Variants in ATG10 observed in about 807,000 individuals in gnomAD.
ATG10 encodes autophagy related 10.
ATG10 carries 30 observed loss-of-function variants against 32.1 expected under a neutral mutation model. That is an observed-to-expected ratio of 0.94 (90% confidence interval 0.70 to 1.27). The LOEUF (loss-of-function observed/expected upper bound fraction) is 1.27, where lower values mean the gene tolerates loss of function less well. Among genes scored for constraint, ATG10 ranks in the 50% most tolerant of loss-of-function variants. The pLI, the probability that ATG10 is intolerant of heterozygous loss-of-function variation, is 0.00. For missense variants in ATG10, 233 were observed against 262.3 expected (o/e 0.89, Z 0.77); for synonymous variants, 87 against 91.5 (o/e 0.95, Z 0.28).
chr5:82,215,935 C>CAAA (rs34517729), intron 5 of ATG10, among the ~76,000 whole-genome samples: 9 of 124,096 alleles, frequency 7.3e-5, no homozygotes, highest in African/African-American at 2.0e-4. Flanking sequence ...AACTCCATCT[C>CAAA]AAAAAAAAAA....
At chr5:82,183,735 T>G (rs1436555630) in intron 5 of ATG10, among the ~76,000 whole-genome samples, 1 of 152,164 alleles carries the variant, frequency 6.6e-6, no homozygotes, top group Admixed American at 6.5e-5. Context: ...GAGGTATGCT[T>G]TGATTAGGAA....
At chr5:82,113,969 T>G (rs1007587717) in intron 3 of ATG10, among the ~76,000 whole-genome samples, 1 of 152,020 alleles carries the variant, frequency 6.6e-6, no homozygotes, top group Admixed American at 6.6e-5. Flanking sequence ...TTGGCATACA[T>G]AATTTAAAAA....
chr5:82,124,385 G>A (rs1024718904), intron 3 of ATG10, among the ~76,000 whole-genome samples: 2 of 151,328 alleles, frequency 1.3e-5, no homozygotes, highest in East Asian at 3.9e-4. Context: ...GTGCCATGGT[G>A]GTTTGCTCCA....
At chr5:82,210,661 A>G (rs1745458889) in intron 5 of ATG10, among the ~76,000 whole-genome samples, 1 of 152,070 alleles carries the variant, frequency 6.6e-6, no homozygotes, top group African/African-American at 2.4e-5. Context: ...AGTGGGAACC[A>G]TGTTGGACAT....
At chr5:82,193,402 T>A (rs1446556006) in intron 5 of ATG10, among the ~76,000 whole-genome samples, 3 of 152,216 alleles carry the variant, frequency 2.0e-5, no homozygotes, top group Non-Finnish European at 4.4e-5. Flanking sequence ...ATTCAAATCA[T>A]CTTTAATAAC....
intron 3 of ATG10, among the ~76,000 whole-genome samples, chr5:82,099,324 T>C (rs1021779119): frequency 7.9e-5 from 12 of 152,150 alleles, no homozygotes; most frequent in African/African-American, 1.9e-4. Flanking sequence ...AATTTAATTA[T>C]TGAATAATTT....
intron 2 of ATG10, among the ~76,000 whole-genome samples, chr5:82,037,560 A>G (rs900539086): frequency 1.3e-5 from 2 of 152,070 alleles, no homozygotes; most frequent in Non-Finnish European, 2.9e-5. Context: ...TTTACTTTTT[A>G]TGTCTAATGT....
intron 4 of ATG10, among the ~76,000 whole-genome samples, chr5:82,176,363 T>C (rs888316088): frequency 1.3e-5 from 2 of 152,184 alleles, no homozygotes; most frequent in Admixed American, 1.3e-4. Context: ...CAGATACATA[T>C]TTCGTAAGAC....
chr5:81,980,729 C>CG (rs964832799), intron 1 of ATG10, among the ~76,000 whole-genome samples: 27 of 151,852 alleles, frequency 1.8e-4, no homozygotes, highest in African/African-American at 6.3e-4. Flanking sequence ...AGCTACCTGT[C>CG]GCTCGCTGCA....
chr5:82,185,802 C>T (rs1581781573), intron 5 of ATG10, among the ~76,000 whole-genome samples: 1 of 152,118 alleles, frequency 6.6e-6, no homozygotes, highest in African/African-American at 2.4e-5. Context: ...ATTGTGCTTC[C>T]TCTAGTAATA....
rs138448388 is a variant in ATG10, at chr5:82,158,399, C to G, written c.217-6000C>G. Among the ~76,000 whole-genome samples, 581 of 150,014 alleles carry G rather than the reference C, an allele frequency of 3.9e-3. 4 individuals carry two copies. Among genetic ancestry groups the G allele is most frequent in the Non-Finnish European group, 5.8e-3 (394 of 67,590 alleles). On this transcript the variant is annotated intron_variant, in intron 3 of 7. Coordinates refer to ENST00000282185, the MANE Select transcript of ATG10 (RefSeq NM_031482.5). The stretch of plus-strand genomic sequence containing the variant: ...TTCCGTATCCATGGATTTAGACAAC[C>G]AGGATCAAAACTGTAGTTAGGACTA...
At chr5:81,993,184 A>G (rs1359932350) in intron 2 of ATG10, among the ~76,000 whole-genome samples, 1 of 151,840 alleles carries the variant, frequency 6.6e-6, no homozygotes, top group Admixed American at 6.6e-5. Flanking sequence ...TCCAAACTCT[A>G]TTTTCTTTAT....
chr5:82,010,359 A>C (rs116536699), intron 2 of ATG10, among the ~76,000 whole-genome samples: 1 of 152,138 alleles, frequency 6.6e-6, no homozygotes, highest in Non-Finnish European at 1.5e-5. Context: ...ATGTTTTCCA[A>C]TTGGGATTTT....
chr5:81,977,227 G>A (rs1040139477), intron 1 of ATG10, among the ~76,000 whole-genome samples: 2 of 152,178 alleles, frequency 1.3e-5, no homozygotes, highest in Non-Finnish European at 2.9e-5. Context: ...TAAATATTTA[G>A]TGAGTGAAAT....
intron 3 of ATG10, among the ~76,000 whole-genome samples, chr5:82,069,733 A>C (rs139779488): frequency 6.6e-6 from 1 of 152,306 alleles, no homozygotes; most frequent in Non-Finnish European, 1.5e-5. Flanking sequence ...TGTCATTATC[A>C]GTTTATTATC....
At chr5:82,251,931 A>G (rs1482818151) in intron 5 of ATG10, among the ~76,000 whole-genome samples, 1 of 152,156 alleles carries the variant, frequency 6.6e-6, no homozygotes, top group Non-Finnish European at 1.5e-5. Flanking sequence ...TAGGCTTGGG[A>G]GAGACAGAAG....
At chr5:82,139,076 G>A (rs1224034376) in intron 3 of ATG10, among the ~76,000 whole-genome samples, 5 of 148,644 alleles carry the variant, frequency 3.4e-5, no homozygotes, top group South Asian at 2.2e-4. Context: ...GCCCCTAACC[G>A]CGAGTGATCC....
intron 5 of ATG10, among the ~76,000 whole-genome samples, chr5:82,198,416 C>G (rs1744942520): frequency 6.6e-6 from 1 of 152,120 alleles, no homozygotes; most frequent in South Asian, 2.1e-4. Context: ...GTGTGCACCA[C>G]CATGCCTGGC....
At chr5:82,142,453 G>A (rs770261514) in intron 3 of ATG10, among the ~76,000 whole-genome samples, 16 of 152,102 alleles carry the variant, frequency 1.1e-4, no homozygotes, top group South Asian at 2.1e-4. Context: ...CGTATGTAAA[G>A]GCACAACAGT....
Sources: allele counts gnomAD v4.1 joint callset (sites outside exome capture counted in the v4.1 genomes callset), GRCh38; gene constraint gnomAD v4.1.1; transcripts MANE v1.5; gene names NCBI Gene and HGNC (gene_info 2026-07-23, HGNC 2026-07-21).